CLDN10: variants seen among roughly 807,000 people sequenced by gnomAD.
The protein encoded by CLDN10 is claudin-10.
CLDN10 carries 15 observed loss-of-function variants against 22.9 expected under a neutral mutation model. That is an observed-to-expected ratio of 0.65 (90% CI 0.44 to 1.01). The LOEUF (loss-of-function observed/expected upper bound fraction) is 1.01, where lower values mean the gene tolerates loss of function less well. Among genes scored for constraint, CLDN10 ranks in the 50% least tolerant of loss-of-function variants. The pLI is 0.00. For synonymous variants in CLDN10, 114 were observed against 111.4 expected, an observed-to-expected ratio of 1.02 and a Z score of -0.15; for missense variants, 247 against 287.8, an observed-to-expected ratio of 0.86 and a Z score of 1.03.
intron 3 of CLDN10, among the ~76,000 whole-genome samples, chr13:95,561,366 A>C (rs2043710235): frequency 6.6e-6 from 1 of 152,086 alleles, no homozygotes; most frequent in Admixed American, 6.6e-5. Context: ...CAGGAAATTG[A>C]TTTTCTAGTT....
intron 1 of CLDN10, among the ~76,000 whole-genome samples, chr13:95,435,544 G>A (rs944421828): frequency 1.3e-5 from 2 of 152,122 alleles, no homozygotes; most frequent in African/African-American, 2.4e-5. Flanking sequence ...ACTTTCCTAA[G>A]TACCCATTTG....
rs34449921 is a variant in CLDN10 at position 95,560,139 on chromosome 13, A to C, written c.228A>C (p.Ile76=). The change falls in exon 2 of 5, where the codon ATA becomes ATC. Residue 76 remains isoleucine, a synonymous_variant. Coordinates refer to ENST00000299339, the MANE Select transcript of CLDN10 (RefSeq NM_006984.5). ...GACCTACTCTAATTGCAGGTTATAT[A>C]CAGGCATGTAGAGGACTTATGATCG... ...FPSMLALDGY[I]QACRGLMIAA... is the part of the protein sequence containing the mutation. The C allele has an allele frequency of 1.7e-3, 2,698 of 1,612,620 alleles. 43 individuals carry two copies. The African/African-American group carries it at 0.031, about 19-fold the overall frequency.
chr13:95,568,569 C>G (rs2043814506), intron 3 of CLDN10, among the ~76,000 whole-genome samples: 1 of 152,116 alleles, frequency 6.6e-6, no homozygotes, highest in Non-Finnish European at 1.5e-5. Context: ...GGTGGGGTGT[C>G]CCTGTTTTGG....
At chr13:95,461,551 A>G (rs576138767) in intron 1 of CLDN10, among the ~76,000 whole-genome samples, 4 of 152,268 alleles carry the variant, frequency 2.6e-5, no homozygotes, top group African/African-American at 9.6e-5. Flanking sequence ...CCCCTGTCCT[A>G]TACCAGACCC....
At chr13:95,498,841 A>G (rs888182732) in intron 1 of CLDN10, among the ~76,000 whole-genome samples, 1 of 152,222 alleles carries the variant, frequency 6.6e-6, no homozygotes, top group African/African-American at 2.4e-5. Context: ...GAACTTTTTT[A>G]TCTTGCAAAA....
At chr13:95,553,146 C>T (rs1045882494) in intron 1 of CLDN10, among the ~76,000 whole-genome samples, 173 bp downstream of exon 1, 6 of 152,186 alleles carry the variant, frequency 3.9e-5, no homozygotes. Context: ...GGTGCCCGCC[C>T]TCTCCTGATG....
chr13:95,571,525 G>C (rs1312271483), intron 3 of CLDN10, among the ~76,000 whole-genome samples: 2 of 152,154 alleles, frequency 1.3e-5, no homozygotes, highest in Non-Finnish European at 2.9e-5. Context: ...CCCAGCAGAG[G>C]GGGAGGCTGA....
chr13:95,496,240 T>C (rs555847950), intron 1 of CLDN10, among the ~76,000 whole-genome samples: 1 of 152,350 alleles, frequency 6.6e-6, no homozygotes, highest in Admixed American at 6.5e-5. Context: ...CTGACGCATA[T>C]GCTTCACTTC....
intron 1 of CLDN10, among the ~76,000 whole-genome samples, chr13:95,544,632 C>T (rs1291004971): frequency 6.6e-6 from 1 of 152,150 alleles, no homozygotes; most frequent in Non-Finnish European, 1.5e-5. Flanking sequence ...GATTTCCTTT[C>T]TTTTTATGTT....
intron 1 of CLDN10, among the ~76,000 whole-genome samples, chr13:95,533,247 GA>G (rs562635046): frequency 1.3e-5 from 2 of 151,266 alleles, no homozygotes; most frequent in East Asian, 1.9e-4. Context: ...GAGGGAGGGA[GA>G]GGGGGAAGAA....
chr13:95,434,561 A>ATG (rs1294224141), intron 1 of CLDN10, among the ~76,000 whole-genome samples: 1 of 149,584 alleles, frequency 6.7e-6, no homozygotes, highest in South Asian at 2.1e-4. Flanking sequence ...ATATGCACAC[A>ATG]TGTGTGTATA....
chr13:95,440,075 G>A (rs529010882), intron 1 of CLDN10, among the ~76,000 whole-genome samples: 9 of 152,094 alleles, frequency 5.9e-5, no homozygotes, highest in African/African-American at 2.2e-4. Flanking sequence ...CACCATGCCT[G>A]GCTAATTTTT....
chr13:95,476,924 GT>G (rs1324289668), intron 1 of CLDN10, among the ~76,000 whole-genome samples: 1 of 152,142 alleles, frequency 6.6e-6, no homozygotes, highest in African/African-American at 2.4e-5. Flanking sequence ...TCTTTTCTGT[GT>G]GTGTACAGGG....
chr13:95,500,363 T>C (rs1049778738), intron 1 of CLDN10, among the ~76,000 whole-genome samples: 5 of 152,126 alleles, frequency 3.3e-5, no homozygotes, highest in African/African-American at 9.7e-5. Context: ...CCTCAATGCC[T>C]CAAAGGAGTT....
At chr13:95,514,922 T>A (rs1342981854) in intron 1 of CLDN10, among the ~76,000 whole-genome samples, 1 of 152,068 alleles carries the variant, frequency 6.6e-6, no homozygotes, top group Non-Finnish European at 1.5e-5. Flanking sequence ...TGCATGGAGA[T>A]GGCGCTGAAG....
intron 1 of CLDN10, among the ~76,000 whole-genome samples, chr13:95,468,717 C>A (rs2042602215): frequency 6.6e-6 from 1 of 151,850 alleles, no homozygotes; most frequent in South Asian, 2.1e-4. Flanking sequence ...CAGAGTGAGA[C>A]CCTGTCTCAA....
At chr13:95,559,824 A>G (rs2138657213) in intron 1 of CLDN10, among the ~76,000 whole-genome samples, 1 of 152,294 alleles carries the variant, frequency 6.6e-6, no homozygotes, top group East Asian at 1.9e-4. Flanking sequence ...CATGTCTGCC[A>G]CTTTCTAACT....
At chr13:95,454,427 C>T (rs1468270994) in intron 1 of CLDN10, among the ~76,000 whole-genome samples, 2 of 151,768 alleles carry the variant, frequency 1.3e-5, no homozygotes, top group Non-Finnish European at 2.9e-5. Context: ...GCAAGACTGT[C>T]TCAAAATTGA....
chr13:95,439,833 C>T (rs7996046), intron 1 of CLDN10, among the ~76,000 whole-genome samples: 66,941 of 151,834 alleles, frequency 0.44, 14,959 homozygotes, highest in Middle Eastern at 0.5. Context: ...TAAATAAATA[C>T]CAAACAACAA....
Sources: allele counts gnomAD v4.1 joint callset (sites outside exome capture counted in the v4.1 genomes callset), GRCh38; gene constraint gnomAD v4.1.1; transcripts MANE v1.5; gene names NCBI Gene and HGNC (gene_info 2026-07-23, HGNC 2026-07-21).